DNAH7: variants seen among roughly 807,000 people sequenced by gnomAD.
The protein encoded by DNAH7 is axonemal beta dynein heavy chain 7.
DNAH7 carries 397 observed loss-of-function variants against 444.6 expected under a neutral mutation model. The observed-to-expected ratio is 0.89, with a 90% confidence interval of 0.82 to 0.97. The LOEUF (loss-of-function observed/expected upper bound fraction) is 0.97. DNAH7 is among the 50% of genes least tolerant of loss of function. DNAH7 has a pLI of 0.00. For synonymous variants in DNAH7, 1,636 were observed against 1,624.4 expected (o/e 1.01, Z -0.17); for missense variants, 4,902 against 4,800.8 (o/e 1.02, Z -0.62).
intron 51 of DNAH7, among the ~76,000 whole-genome samples, chr2:195,811,303 AT>A: frequency 6.6e-6 from 1 of 152,304 alleles, no homozygotes; most frequent in African/African-American, 2.4e-5. Flanking sequence ...AGACACTTAT[AT>A]TTACTGCAGC....
At chr2:195,846,029 G>A (rs557006373) in intron 46 of DNAH7, among the ~76,000 whole-genome samples, 2 of 152,158 alleles carry the variant, frequency 1.3e-5, no homozygotes, top group Non-Finnish European at 2.9e-5. Context: ...AAACTAAAGA[G>A]CTTATTCACA....
chr2:195,981,061 G>A (rs746576470), intron 15 of DNAH7, among the ~76,000 whole-genome samples: 82 of 152,092 alleles, frequency 5.4e-4, no homozygotes, highest in Middle Eastern at 3.4e-3. Flanking sequence ...AATTATCCTC[G>A]TTTGCAGATA....
chr2:195,793,654 CTTCT>C (rs994777121), intron 57 of DNAH7, among the ~76,000 whole-genome samples: 8 of 152,116 alleles, frequency 5.3e-5, no homozygotes, highest in Non-Finnish European at 8.8e-5. Flanking sequence ...AATGAAAGTA[CTTCT>C]TTATTTTTAA....
In DNAH7 at chr2:196,027,960, C is replaced by A; in HGVS notation, c.486G>T (p.Leu162Phe). ...PTASAIEKDI[L>F]RYYYYIHHGI... ...ACAGACAAAACAAATGGCCAGTTAC[C>A]AAGATGTCTTTCTCTATAGCAGAAG... The change falls in exon 6 of 65, where the codon TTG (leucine) becomes TTT (phenylalanine). Residue 162 changes from leucine to phenylalanine, a missense_variant and splice_region_variant. By Grantham distance (22) the Leu-to-Phe change is conservative (BLOSUM62 0). Transcript: ENST00000312428. 1.2e-6 allele frequency: 2 copies of A among 1,609,138 alleles called. No individual in the cohort carries two copies. Among genetic ancestry groups the A allele is most frequent in the Middle Eastern group, 1.7e-4 (1 of 6,050 alleles).
At chr2:195,768,882 A>C (rs1231032903) in intron 61 of DNAH7, among the ~76,000 whole-genome samples, 1 of 152,134 alleles carries the variant, frequency 6.6e-6, no homozygotes, top group African/African-American at 2.4e-5. Context: ...TAACTGTAAG[A>C]AATAGGTTTT....
Position 195,980,199 on chromosome 2 carries a change from T to C in DNAH7, c.1833+4433A>G, listed in dbSNP as rs563228750. On this transcript the variant is annotated intron_variant, in intron 15 of 64. Transcript: ENST00000312428. ...GGGACCCGGTGGGAGGTAATTGAAT[T>C]ACAGAGGCAGTTATCCTCAGGCTGT... is the stretch of plus-strand genomic sequence containing the variant. Among the ~76,000 whole-genome samples the C allele has an allele frequency of 1.2e-3, 183 of 152,106 alleles. 1 individual carries two copies. The highest frequency in any genetic ancestry group is 4.4e-3 in the African/African-American group (181 of 41,504).
At chr2:195,988,474 G>T (rs1434668333) in intron 12 of DNAH7, among the ~76,000 whole-genome samples, 1 of 151,884 alleles carries the variant, frequency 6.6e-6, no homozygotes, top group Non-Finnish European at 1.5e-5. Context: ...CTGTATGGAT[G>T]AAAGAACAGT....
intron 24 of DNAH7, among the ~76,000 whole-genome samples, chr2:195,919,236 T>TAAAA (rs759816585): frequency 7.2e-6 from 1 of 139,644 alleles, no homozygotes; most frequent in African/African-American, 2.6e-5. Flanking sequence ...AGACTTTGTT[T>TAAAA]AAAAAAAAAA....
At chr2:195,851,715 C>G (rs1454604311) in intron 46 of DNAH7, among the ~76,000 whole-genome samples, 1 of 152,164 alleles carries the variant, frequency 6.6e-6, no homozygotes. Context: ...AAAGTGGATT[C>G]TGCTAGTGCA....
intron 24 of DNAH7, among the ~76,000 whole-genome samples, chr2:195,910,867 G>A (rs1574742159): frequency 1.3e-5 from 2 of 152,258 alleles, no homozygotes; most frequent in Admixed American, 1.3e-4. Context: ...TGCGGGGCCT[G>A]ATGAAAAGCT....
intron 54 of DNAH7, among the ~76,000 whole-genome samples, chr2:195,802,237 G>A (rs561696566): frequency 4.6e-5 from 7 of 152,252 alleles, no homozygotes; most frequent in South Asian, 2.1e-4. Context: ...TCAGCCAGGC[G>A]TGGTGGCTCA....
intron 5 of DNAH7, among the ~76,000 whole-genome samples, chr2:196,045,161 AAGG>A (rs1419962335): frequency 6.8e-4 from 99 of 146,062 alleles, no homozygotes; most frequent in African/African-American, 1.5e-3. Context: ...GGAGGAGAAG[AAGG>A]AGGAGGAGGA....
chr2:195,820,387 A>G (rs897905974), intron 49 of DNAH7, among the ~76,000 whole-genome samples: 1 of 151,908 alleles, frequency 6.6e-6, no homozygotes, highest in Non-Finnish European at 1.5e-5. Flanking sequence ...AGGTGCAGAA[A>G]ACCATCATAG....
intron 5 of DNAH7, among the ~76,000 whole-genome samples, chr2:196,030,652 T>C (rs901948788): frequency 5.3e-5 from 8 of 152,290 alleles, no homozygotes; most frequent in Admixed American, 1.3e-4. Context: ...CCATTCCAGA[T>C]GGGAGAAATT....
At chr2:195,746,705 C>T (rs1693432026) in intron 63 of DNAH7, among the ~76,000 whole-genome samples, 2 of 152,196 alleles carry the variant, frequency 1.3e-5, no homozygotes, top group Admixed American at 6.5e-5. Flanking sequence ...CTCAAAACCA[C>T]TCAACTACAT....
chr2:196,004,602 C>A (rs942359210), intron 10 of DNAH7, among the ~76,000 whole-genome samples: 3 of 152,114 alleles, frequency 2.0e-5, no homozygotes, highest in Non-Finnish European at 4.4e-5. Context: ...TCAGGGAATG[C>A]AGCAAAATCA....
In DNAH7 at chr2:195,771,688, G is replaced by A. The variant is rs556015158; in HGVS notation, c.11405C>T (p.Ser3802Leu). 4.1e-5 allele frequency: 66 copies of A among 1,613,510 alleles called. 1 individual carries two copies. The highest frequency in any genetic ancestry group is 5.2e-5 in the Non-Finnish European group (61 of 1,179,548). The change falls in exon 61 of 65, where the codon TCG (serine) becomes TTG (leucine). Residue 3802 changes from serine to leucine, a missense_variant. Ser to Leu is a moderately radical substitution (Grantham distance 145). Coordinates refer to ENST00000312428, the MANE Select transcript of DNAH7 (RefSeq NM_018897.3). ...FNKLLKTIRDSCVNIQKAIKG... is the reference protein window; with the variant it reads ...FNKLLKTIRDLCVNIQKAIKG... Reference sequence around the variant, plus strand: ...GATTGCTTTTTGAATATTTACGCACGAATCTCTTATGGTCTTCAGTAACTT... The same window carrying A: ...GATTGCTTTTTGAATATTTACGCACAAATCTCTTATGGTCTTCAGTAACTT...
In DNAH7 at chr2:195,816,790, C is replaced by T. The variant is rs1435352362; in HGVS notation, c.9599G>A (p.Arg3200His). 3.7e-6 allele frequency: 6 copies of T among 1,614,090 alleles called. No individual in the cohort carries two copies. The highest frequency in any genetic ancestry group is 2.2e-5 in the South Asian group (2 of 91,080). Reference protein sequence around the residue: ...EETEKKIDTTRMGYRPIAIHS... With the variant: ...EETEKKIDTTHMGYRPIAIHS... Reference sequence around the variant, plus strand: ...GATGGCAATAGGACGATAGCCCATGCGGGTGGTGTCAATCTTTTTCTCTGT... The same window carrying T: ...GATGGCAATAGGACGATAGCCCATGTGGGTGGTGTCAATCTTTTTCTCTGT... The change falls in exon 51 of 65, where the codon CGC becomes CAC. Residue 3200 changes from arginine (R) to histidine (H), a missense_variant. Coordinates refer to ENST00000312428, the MANE Select transcript of DNAH7 (RefSeq NM_018897.3).
In DNAH7 at chr2:195,864,609, G is replaced by C. The variant is rs1204967193; in HGVS notation, c.7046C>G (p.Ser2349Cys). The change falls in exon 41 of 65, where the codon TCT becomes TGT. Residue 2349 changes from serine (S) to cysteine (C), a missense_variant. By Grantham distance (112) the Ser-to-Cys change is moderately radical (BLOSUM62 -1). Transcript: ENST00000312428. ...CATGTGGGCAGCTAATCTGGTGACA[G>C]ACTGCCTTCCACTCCCTCCAACCCC... ...LVGVGGSGRQ[S>C]VTRLAAHMAD... is the part of the protein sequence containing the mutation. 1 of 1,614,086 alleles carries C rather than the reference G, an allele frequency of 6.2e-7. No individual in the cohort carries two copies. Among genetic ancestry groups the C allele is most frequent in the East Asian group, 2.2e-5 (1 of 44,880 alleles).
Sources: allele counts gnomAD v4.1 joint callset (sites outside exome capture counted in the v4.1 genomes callset), GRCh38; gene constraint gnomAD v4.1.1; transcripts MANE v1.5; gene names NCBI Gene and HGNC (gene_info 2026-07-23, HGNC 2026-07-21).